FBXL5: variants seen among roughly 807,000 people sequenced by gnomAD.
The protein encoded by FBXL5 is F-box/LRR-repeat protein 5.
In FBXL5, 26 loss-of-function variants were observed where a neutral mutation model predicts 78.3. The ratio of observed to expected loss-of-function variants is 0.33; its 90% confidence interval spans 0.24 to 0.46. The LOEUF (loss-of-function observed/expected upper bound fraction) is 0.46, where lower values mean the gene tolerates loss of function less well. FBXL5 is among the 20% of genes least tolerant of loss of function. The pLI is 1.00. For missense variants in FBXL5, 710 were observed against 829.2 expected (o/e 0.86, Z 1.77); for synonymous variants, 295 against 282.5 (o/e 1.04, Z -0.45).
In FBXL5 at chr4:15,643,348, T is replaced by C. The variant is rs1411847510; in HGVS notation, c.300+1145A>G. On this transcript the variant is annotated intron_variant, in intron 2 of 10. Transcript: ENST00000341285. The stretch of plus-strand genomic sequence containing the variant: ...AGGAGCACATGGTGGCTTAACAGAG[T>C]TGTAACTTAAGCTTACGCTTCACCA... Among the ~76,000 whole-genome samples, 3 of 152,168 alleles carry C rather than the reference T, an allele frequency of 2.0e-5. No homozygotes were observed. The East Asian group carries it at 5.8e-4, about 29-fold the overall frequency.
chr4:15,627,869 G>C lies in FBXL5; in HGVS notation c.1041+16C>G. On this transcript the variant is annotated intron_variant, in intron 7 of 10. Transcript: ENST00000341285. ...TGTTTTTCTTAATACCCAAACTAGT[G>C]TTAATTTAAACATACCATTTTGCTG... 1 of 1,588,794 alleles carries C rather than the reference G, an allele frequency of 6.3e-7. No homozygotes were observed. Among genetic ancestry groups the C allele is most frequent in the South Asian group, 1.1e-5 (1 of 89,430 alleles).
At chr4:15,656,877 T>C (rs1442304469), upstream of FBXL5, among the ~76,000 whole-genome samples, 2 of 151,958 alleles carry the variant, frequency 1.3e-5, no homozygotes, top group Non-Finnish European at 2.9e-5. Context: ...CTTCAAGACA[T>C]TCTAGTAGTT....
At chr4:15,621,238 GAACT>G (rs1419378363) in intron 9 of FBXL5, among the ~76,000 whole-genome samples, 4 of 152,160 alleles carry the variant, frequency 2.6e-5, no homozygotes, top group Middle Eastern at 3.4e-3. Context: ...AAAAATGTTA[GAACT>G]AATAAATTTA....
intron 1 of FBXL5, 102 bp from the exon 2 acceptor site, chr4:15,644,810 T>C: frequency 1.4e-6 from 1 of 737,244 alleles, no homozygotes; most frequent in Non-Finnish European, 2.2e-6. Flanking sequence ...CACAGCATAC[T>C]TCCCTTACAC....
At chr4:15,610,570 T>G (rs945518451) in intron 10 of FBXL5, among the ~76,000 whole-genome samples, 5 of 152,022 alleles carry the variant, frequency 3.3e-5, no homozygotes, top group African/African-American at 1.2e-4. Flanking sequence ...CAAAACAAGT[T>G]TAGAGGAAAT....
upstream of FBXL5, among the ~76,000 whole-genome samples, chr4:15,655,878 G>A (rs1056909274): frequency 6.6e-6 from 1 of 152,212 alleles, no homozygotes; most frequent in Non-Finnish European, 1.5e-5. Flanking sequence ...CCACTCAAAG[G>A]CCGGGCCTGG....
At chr4:15,653,283 A>AC (rs1222689831) in intron 1 of FBXL5, among the ~76,000 whole-genome samples, 2 of 152,206 alleles carry the variant, frequency 1.3e-5, no homozygotes, top group East Asian at 3.8e-4. Context: ...GCAAGTGGGA[A>AC]CATTACTGAA....
At chr4:15,612,898 C>T (rs963099412) in intron 9 of FBXL5, among the ~76,000 whole-genome samples, 1 of 152,090 alleles carries the variant, frequency 6.6e-6, no homozygotes, top group Non-Finnish European at 1.5e-5. Context: ...AAAACTTGCA[C>T]ATGAATGTTC....
chr4:15,624,165 G>A (rs1022498967), intron 9 of FBXL5, among the ~76,000 whole-genome samples: 12 of 152,030 alleles, frequency 7.9e-5, no homozygotes, highest in African/African-American at 2.7e-4. Context: ...ATGGTAGGGA[G>A]TATTAAGTTT....
intron 9 of FBXL5, among the ~76,000 whole-genome samples, chr4:15,615,069 C>T (rs893203364): frequency 2.6e-5 from 4 of 152,152 alleles, no homozygotes; most frequent in African/African-American, 7.2e-5. Context: ...CCAGTGGCTG[C>T]GGAGGGTGTA....
chr4:15,628,359 G>A (rs1024622379), intron 6 of FBXL5, among the ~76,000 whole-genome samples: 2 of 152,108 alleles, frequency 1.3e-5, no homozygotes, highest in Non-Finnish European at 2.9e-5. Flanking sequence ...TGATCATAAT[G>A]AATCAAGCAA....
intron 2 of FBXL5, among the ~76,000 whole-genome samples, chr4:15,643,092 C>T (rs967419218): frequency 3.3e-5 from 5 of 152,012 alleles, no homozygotes; most frequent in African/African-American, 9.7e-5. Flanking sequence ...TCAAAGAATA[C>T]GAAAGAATAT....
At chr4:15,654,808 G>A (rs375424436) in intron 1 of FBXL5, among the ~76,000 whole-genome samples, 1 of 152,182 alleles carries the variant, frequency 6.6e-6, no homozygotes, top group African/African-American at 2.4e-5. Flanking sequence ...GCAGATGGGA[G>A]TCCACCGCAG....
chr4:15,654,765 G>A (rs1241589813), intron 1 of FBXL5, among the ~76,000 whole-genome samples: 1 of 152,192 alleles, frequency 6.6e-6, no homozygotes, highest in Non-Finnish European at 1.5e-5. Context: ...ACAGGCCCGG[G>A]GGAGTGACGG....
At chr4:15,640,989 A>G in intron 2 of FBXL5, 106 bp from the exon 3 acceptor site, 2 of 547,800 alleles carry the variant, frequency 3.7e-6, no homozygotes, top group East Asian at 6.6e-5. Context: ...GGAAAAAAAA[A>G]TAGACAAATT....
At chr4:15,631,011 C>A (rs1713587518) in intron 5 of FBXL5, among the ~76,000 whole-genome samples, 1 of 152,160 alleles carries the variant, frequency 6.6e-6, no homozygotes, top group South Asian at 2.1e-4. Context: ...TGGTTTGCTG[C>A]ACCCATCAAC....
At chr4:15,680,909 TTA>T (rs1718223364) in intron 1 of FBXL5, among the ~76,000 whole-genome samples, 1 of 148,774 alleles carries the variant, frequency 6.7e-6, no homozygotes, top group African/African-American at 2.4e-5. Flanking sequence ...GCAGTATATA[TTA>T]TATATATAAG....
chr4:15,641,312 C>T (rs1402565642), intron 2 of FBXL5, among the ~76,000 whole-genome samples: 1 of 152,124 alleles, frequency 6.6e-6, no homozygotes, highest in Non-Finnish European at 1.5e-5. Flanking sequence ...CAGGTTTGAA[C>T]TGTGCGGGTT....
chr4:15,630,742 A>C lies in FBXL5; in HGVS notation c.816T>G (p.Asp272Glu). 1 of 1,609,874 alleles carries C rather than the reference A, an allele frequency of 6.2e-7. No homozygotes were observed. Among genetic ancestry groups the C allele is most frequent in the Non-Finnish European group, 8.5e-7 (1 of 1,178,748 alleles). ...PATELDTEPD[D>E]EWVKNRKDES... Reference sequence around the variant, plus strand: ...CATCTTTCCTATTTTTCACCCATTCATCATCAGGTTCAGTATCAAGTTCAG... The same window carrying C: ...CATCTTTCCTATTTTTCACCCATTCCTCATCAGGTTCAGTATCAAGTTCAG... The change falls in exon 6 of 11, where the codon GAT becomes GAG. Residue 272 changes from aspartate (D) to glutamate (E), a missense_variant. Around this residue, in one of 4 missense-constraint regions of FBXL5, gnomAD observed 517 missense variants for 542.9 expected, o/e 0.95. Transcript: ENST00000341285.
Sources: allele counts gnomAD v4.1 joint callset (sites outside exome capture counted in the v4.1 genomes callset), GRCh38; gene constraint gnomAD v4.1.1; regional missense constraint gnomAD v4.1.1; transcripts MANE v1.5; gene names NCBI Gene and HGNC (gene_info 2026-07-23, HGNC 2026-07-21).